MPP7: variants seen among roughly 807,000 people sequenced by gnomAD.
MPP7 encodes the protein MAGUK p55 scaffold protein 7.
In MPP7, 60 loss-of-function variants were observed where a neutral mutation model predicts 76.5. The ratio of observed to expected loss-of-function variants is 0.78; its 90% CI spans 0.64 to 0.97. The LOEUF (loss-of-function observed/expected upper bound fraction) is 0.97, where lower values mean the gene tolerates loss of function less well. Ranked by LOEUF, MPP7 falls within the 50% of genes least tolerant of loss-of-function variation. MPP7 has a pLI of 0.00. For missense variants in MPP7, 641 were observed against 694.0 expected, an observed-to-expected ratio of 0.92 and a Z score of 0.86; for synonymous variants, 237 against 244.5, an observed-to-expected ratio of 0.97 and a Z score of 0.29.
At position 28,051,769 on chromosome 10, in the gene MPP7, C is replaced by T. The variant is rs7921547; in HGVS notation, c.*2296G>A. 16,923 of 151,772 alleles carry T rather than the reference C, an allele frequency of 0.11. 2,474 individuals carry two copies. The highest frequency in any genetic ancestry group is 0.34 in the African/African-American group (13,911 of 41,312). The allele number at this position is 151,772 out of a possible 1,614,324, so 9.4% of individuals were successfully genotyped here. On this transcript the variant is annotated 3_prime_UTR_variant, in exon 17 of 17. Coordinates refer to ENST00000683449, the MANE Select transcript of MPP7 (RefSeq NM_001318170.2). ...ACACTGTTTTTAAGACCACGTCTACCGGCTGGGCACGGTGGATCATGCCTG... is the reference window on the plus strand; with the variant it reads ...ACACTGTTTTTAAGACCACGTCTACTGGCTGGGCACGGTGGATCATGCCTG...
upstream of MPP7, among the ~76,000 whole-genome samples, chr10:28,303,128 G>C (rs1045520229): frequency 6.6e-6 from 1 of 152,228 alleles, no homozygotes; most frequent in Admixed American, 6.5e-5. Flanking sequence ...TGCACCGCCC[G>C]CGGGTAAGAG....
rs1344793397 is a variant in MPP7, at chr10:28,125,074, C to T, written c.465G>A (p.Lys155=). Residue 155 remains lysine (K), a synonymous_variant, in exon 7 of 17, where the codon AAG becomes AAA. Coordinates refer to ENST00000683449, the MANE Select transcript of MPP7 (RefSeq NM_001318170.2). The part of the protein sequence containing the change: ...NREPLGATIK[K]DEQTGAIIVA... ...CAATGATCGCCCCGGTCTGTTCATC[C>T]TTCTTAATGGTAGCTCCCTTTTAAG... 1 of 1,613,966 alleles carries T rather than the reference C, an allele frequency of 6.2e-7. No individual in the cohort carries two copies. Among genetic ancestry groups the T allele is most frequent in the East Asian group, 2.2e-5 (1 of 44,850 alleles).
chr10:28,245,790 A>T (rs986254397), intron 1 of MPP7, among the ~76,000 whole-genome samples: 1 of 151,942 alleles, frequency 6.6e-6, no homozygotes, highest in Non-Finnish European at 1.5e-5. Flanking sequence ...GAGAAACAGA[A>T]CTATTAAAAG....
At chr10:28,288,461 G>A (rs2797588) in intron 1 of MPP7, among the ~76,000 whole-genome samples, 29,673 of 151,914 alleles carry the variant, frequency 0.2, 3,714 homozygotes, top group Middle Eastern at 0.31. Flanking sequence ...GGCTTGTCTC[G>A]AACTCCTGGC....
At chr10:28,151,711 C>T (rs1421103796) in intron 3 of MPP7, among the ~76,000 whole-genome samples, 1 of 152,156 alleles carries the variant, frequency 6.6e-6, no homozygotes, top group Non-Finnish European at 1.5e-5. Flanking sequence ...TCTCATTTTA[C>T]AGATAAATAG....
At chr10:28,080,979 T>C (rs898800683) in intron 12 of MPP7, among the ~76,000 whole-genome samples, 4 of 152,180 alleles carry the variant, frequency 2.6e-5, no homozygotes, top group African/African-American at 9.7e-5. Flanking sequence ...GTGGGAGGCT[T>C]TGTGTTATGC....
chr10:28,055,466 C>A, intron 16 of MPP7, among the ~76,000 whole-genome samples: 1 of 152,118 alleles, frequency 6.6e-6, no homozygotes, highest in Non-Finnish European at 1.5e-5. Context: ...AAGCTCTTCA[C>A]ATTTAATTTC....
chr10:28,133,277 T>A (rs1390664025), intron 5 of MPP7, among the ~76,000 whole-genome samples: 2 of 152,150 alleles, frequency 1.3e-5, no homozygotes, highest in African/African-American at 4.8e-5. Flanking sequence ...TACCCCTTAA[T>A]AGCCCTTCTA....
chr10:28,206,893 T>A (rs529727400), intron 2 of MPP7, among the ~76,000 whole-genome samples: 5 of 152,182 alleles, frequency 3.3e-5, no homozygotes, highest in Non-Finnish European at 7.4e-5. Flanking sequence ...AATAATTAAA[T>A]CTGGCTTAAA....
At chr10:28,146,396 T>G (rs1020670023) in intron 5 of MPP7, among the ~76,000 whole-genome samples, 1 of 124,056 alleles carries the variant, frequency 8.1e-6, no homozygotes, top group Non-Finnish European at 1.6e-5. Flanking sequence ...GTTTTTTTTT[T>G]GTTTTTTTGT....
At chr10:28,220,487 G>A (rs1838465097) in intron 2 of MPP7, among the ~76,000 whole-genome samples, 1 of 152,174 alleles carries the variant, frequency 6.6e-6, no homozygotes, top group Non-Finnish European at 1.5e-5. Context: ...TTCATAGTAA[G>A]ATAGGACTTA....
chr10:28,262,208 CAT>C (rs56940942), intron 1 of MPP7, among the ~76,000 whole-genome samples: 44,383 of 59,586 alleles, frequency 0.74, 16,665 homozygotes, highest in Middle Eastern at 0.87. Context: ...TATATATATA[CAT>C]ATATATATAT....
chr10:28,105,486 G>T (rs1834294076), intron 11 of MPP7, among the ~76,000 whole-genome samples: 1 of 152,270 alleles, frequency 6.6e-6, no homozygotes, highest in South Asian at 2.1e-4. Flanking sequence ...CTCCATTAAG[G>T]AATCAGTTAT....
chr10:28,209,532 T>C (rs1385395820), intron 2 of MPP7, among the ~76,000 whole-genome samples: 1 of 152,146 alleles, frequency 6.6e-6, no homozygotes, highest in Non-Finnish European at 1.5e-5. Flanking sequence ...GTCTTTCTGC[T>C]TTGTTTTCGA....
intron 5 of MPP7, among the ~76,000 whole-genome samples, chr10:28,137,991 A>C (rs1835400204): frequency 6.6e-6 from 1 of 152,208 alleles, no homozygotes; most frequent in African/African-American, 2.4e-5. Flanking sequence ...AAGGAGCTTA[A>C]CTTTTTCCTT....
At chr10:28,259,920 C>A (rs1839897091) in intron 1 of MPP7, among the ~76,000 whole-genome samples, 1 of 151,954 alleles carries the variant, frequency 6.6e-6, no homozygotes, top group South Asian at 2.1e-4. Context: ...GAAGTCAAGG[C>A]TGCAGTGAGC....
intron 1 of MPP7, among the ~76,000 whole-genome samples, chr10:28,275,247 C>T (rs1286870127): frequency 1.3e-5 from 2 of 152,056 alleles, no homozygotes; most frequent in Admixed American, 6.6e-5. Context: ...TTTCCACTAC[C>T]TCCCCAAGAC....
chr10:28,241,262 AC>A (rs1452866876), intron 1 of MPP7, among the ~76,000 whole-genome samples: 17 of 152,182 alleles, frequency 1.1e-4, no homozygotes, highest in Non-Finnish European at 2.5e-4. Flanking sequence ...TATGCCATAT[AC>A]AAAAAGCCCT....
At chr10:28,071,119 G>T (rs1852222189) in intron 12 of MPP7, among the ~76,000 whole-genome samples, 1 of 152,198 alleles carries the variant, frequency 6.6e-6, no homozygotes, top group South Asian at 2.1e-4. Flanking sequence ...TTCTTGGGCA[G>T]AATGAATGAG....
Sources: allele counts gnomAD v4.1 joint callset (sites outside exome capture counted in the v4.1 genomes callset), GRCh38; gene constraint gnomAD v4.1.1; transcripts MANE v1.5; gene names NCBI Gene and HGNC (gene_info 2026-07-23, HGNC 2026-07-21).